MAST4: variants seen among roughly 807,000 people sequenced by gnomAD.
MAST4 encodes the protein microtubule-associated serine/threonine-protein kinase 4.
In MAST4, 89 loss-of-function variants were observed where a neutral mutation model predicts 162.7. The ratio of observed to expected loss-of-function variants is 0.55; its 90% CI spans 0.46 to 0.65. MAST4 has a LOEUF of 0.65. MAST4 is among the 30% of genes least tolerant of loss of function. The pLI is 0.00. For synonymous variants in MAST4, 1,479 were observed against 1,361.1 expected (o/e 1.09, Z -1.91); for missense variants, 3,153 against 3,374.0 (o/e 0.93, Z 1.62).
intron 4 of MAST4, chr5:66,959,233 T>A: frequency 2.6e-6 from 2 of 779,692 alleles, no homozygotes; most frequent in Non-Finnish European, 4.8e-6. Flanking sequence ...TAGAGTGTGC[T>A]AACATATAAC....
chr5:67,121,637 A>G (rs1406838354), intron 14 of MAST4, among the ~76,000 whole-genome samples: 1 of 151,288 alleles, frequency 6.6e-6, no homozygotes, highest in Non-Finnish European at 1.5e-5. Flanking sequence ...GTCTCGGGCC[A>G]CACATAAAAT....
chr5:66,848,013 G>T (rs1407475219), intron 3 of MAST4, among the ~76,000 whole-genome samples: 7 of 152,014 alleles, frequency 4.6e-5, no homozygotes, highest in Admixed American at 3.3e-4. Flanking sequence ...CCTCTTGCTG[G>T]ACTTTTGTGT....
chr5:66,683,375 C>G (rs1580185939), intron 1 of MAST4, among the ~76,000 whole-genome samples: 2 of 152,118 alleles, frequency 1.3e-5, no homozygotes, highest in South Asian at 4.2e-4. Context: ...GGCTGGTGAC[C>G]CTTTGTATTT....
intron 4 of MAST4, among the ~76,000 whole-genome samples, chr5:66,994,881 T>G (rs1750456661): frequency 6.6e-6 from 1 of 152,156 alleles, no homozygotes; most frequent in Admixed American, 6.5e-5. Context: ...GAGTTCATGT[T>G]TTTTTTGAGC....
intron 4 of MAST4, among the ~76,000 whole-genome samples, chr5:66,957,434 C>T (rs1465171988): frequency 6.6e-6 from 1 of 152,154 alleles, no homozygotes; most frequent in African/African-American, 2.4e-5. Flanking sequence ...CCTCAACCTT[C>T]TGAGTAGCTG....
At chr5:66,871,351 T>TA (rs1760919412) in intron 3 of MAST4, among the ~76,000 whole-genome samples, 1 of 152,232 alleles carries the variant, frequency 6.6e-6, no homozygotes, top group Non-Finnish European at 1.5e-5. Flanking sequence ...TAATTCACAG[T>TA]AATGGCTATT....
intron 26 of MAST4, among the ~76,000 whole-genome samples, chr5:67,160,143 G>T (rs549526572): frequency 1.3e-5 from 2 of 152,254 alleles, no homozygotes; most frequent in Non-Finnish European, 2.9e-5. Flanking sequence ...CCAGGAGATA[G>T]GTAGGATTAT....
At chr5:66,808,424 A>G (rs971852641) in intron 3 of MAST4, among the ~76,000 whole-genome samples, 7 of 152,278 alleles carry the variant, frequency 4.6e-5, no homozygotes, top group South Asian at 2.1e-4. Flanking sequence ...TATTAACTAA[A>G]TTAGGTTTTT....
At position 67,167,012 on chromosome 5, in the gene MAST4, A is replaced by G. The variant is rs1387182731; in HGVS notation, c.7833A>G (p.Lys2611=). 1 of 1,605,902 alleles carries G rather than the reference A, an allele frequency of 6.2e-7. No homozygotes were observed. Among genetic ancestry groups the G allele is most frequent in the Non-Finnish European group, 8.5e-7 (1 of 1,176,218 alleles). ...TTGTGGTACGGCAGAGGCGGGGGAA[A>G]GAGAGTTTGCGTAGCAGCCCTCACA... is the stretch of plus-strand genomic sequence containing the variant. ...KDFVVRQRRG[K]ESLRSSPHKK... Residue 2611 remains lysine, a synonymous_variant, in exon 29 of 29, where the codon AAA becomes AAG. Coordinates refer to ENST00000403625, the MANE Select transcript of MAST4 (RefSeq NM_001164664.2).
At chr5:66,803,008 G>A (rs1755997295) in intron 3 of MAST4, among the ~76,000 whole-genome samples, 1 of 152,106 alleles carries the variant, frequency 6.6e-6, no homozygotes, top group African/African-American at 2.4e-5. Context: ...TATGTTTGAG[G>A]GTGAGAAACT....
At chr5:66,678,338 C>T (rs2149481419) in intron 1 of MAST4, among the ~76,000 whole-genome samples, 1 of 152,152 alleles carries the variant, frequency 6.6e-6, no homozygotes, top group South Asian at 2.1e-4. Flanking sequence ...TATTGTACCA[C>T]AGTGACTATA....
At chr5:66,958,121 TTGTG>T (rs144078491) in intron 4 of MAST4, among the ~76,000 whole-genome samples, 2 of 151,628 alleles carry the variant, frequency 1.3e-5, no homozygotes, top group African/African-American at 4.8e-5. Flanking sequence ...CTCTCTCTCT[TTGTG>T]TGTGTGTGTA....
At chr5:66,673,419 A>G (rs1030994881) in intron 1 of MAST4, among the ~76,000 whole-genome samples, 1 of 114,406 alleles carries the variant, frequency 8.7e-6, no homozygotes, top group Admixed American at 8.8e-5. Context: ...TTGAAGAAGC[A>G]TGATTTTTAC....
intron 1 of MAST4, among the ~76,000 whole-genome samples, chr5:66,615,747 G>A (rs1439034303): frequency 1.3e-5 from 2 of 152,124 alleles, no homozygotes; most frequent in Non-Finnish European, 2.9e-5. Flanking sequence ...ATTTGAGGCT[G>A]CAGTGGGCTG....
chr5:66,819,962 T>C (rs546298051), intron 3 of MAST4, among the ~76,000 whole-genome samples: 4 of 107,598 alleles, frequency 3.7e-5, no homozygotes, highest in Non-Finnish European at 8.5e-5. Context: ...TTTTTTCTTT[T>C]AATTTTTTTT....
intron 1 of MAST4, among the ~76,000 whole-genome samples, chr5:66,750,492 A>T (rs902732226): frequency 6.6e-6 from 1 of 152,242 alleles, no homozygotes; most frequent in Admixed American, 6.5e-5. Flanking sequence ...GGGAAGCGCA[A>T]GGGGTCAGGG....
At chr5:66,829,291 A>G (rs924014143) in intron 3 of MAST4, among the ~76,000 whole-genome samples, 2 of 152,020 alleles carry the variant, frequency 1.3e-5, no homozygotes, top group African/African-American at 2.4e-5. Flanking sequence ...GCTCGGCGGC[A>G]TCTGTCTGAT....
In MAST4 at chr5:67,090,205, C is replaced by T. The variant is rs1327662459; in HGVS notation, c.807C>T (p.Ala269=). 1.2e-6 allele frequency: 2 copies of T among 1,613,084 alleles called. No homozygotes were observed. The highest frequency in any genetic ancestry group is 3.3e-5 in the Admixed American group (2 of 59,978). The change falls in exon 6 of 29, where the codon GCC becomes GCT. Residue 269 remains alanine (A), a synonymous_variant. Transcript: ENST00000403625. The stretch of plus-strand genomic sequence containing the variant: ...GTCCAAGAAATTTCTCCCCCAGTGC[C>T]TCAGCCCATTTTTCATTTGCACGGA... ...QDSPRNFSPS[A]SAHFSFARRT... is the part of the protein sequence containing the mutation.
intron 1 of MAST4, among the ~76,000 whole-genome samples, chr5:66,625,381 C>G (rs186899151): frequency 2.0e-5 from 3 of 152,190 alleles, no homozygotes; most frequent in African/African-American, 7.2e-5. Flanking sequence ...AAATGCTGGC[C>G]TGTTACCCCC....
Sources: gnomAD v4.1 joint callset for allele counts (sites outside exome capture counted in the v4.1 genomes callset) on GRCh38, gnomAD v4.1.1 for gene constraint, MANE v1.5 for transcripts, NCBI Gene and HGNC (gene_info 2026-07-23, HGNC 2026-07-21) for gene names.